The following MCPH1 variants were observed in gnomAD, a reference collection of about 807,000 sequenced individuals.
MCPH1 encodes the protein microcephalin 1.
Under a neutral mutation model 84.5 loss-of-function variants are expected in MCPH1, and 104 were observed. The ratio of observed to expected loss-of-function variants is 1.23; its 90% CI spans 1.05 to 1.45. MCPH1 has a LOEUF of 1.45. MCPH1 is among the 40% of genes most tolerant of loss of function. The probability of loss-of-function intolerance (pLI) is 0.00; values close to 1 mark genes in which losing one functional copy is unlikely to be tolerated. For missense variants in MCPH1, 1,498 were observed against 1,005.7 expected, an observed-to-expected ratio of 1.49 and a Z score of -6.62; for synonymous variants, 514 against 366.8, an observed-to-expected ratio of 1.40 and a Z score of -4.58.
chr8:6,620,043 GCCTTGCATCAGCTCAGT>G (rs1831248238), intron 12 of MCPH1: 1 of 152,144 alleles, frequency 6.6e-6, no homozygotes, highest in African/African-American at 2.4e-5. Context: ...CAAATCTCTT[GCCTTGCATCAGCTCAGT>G]CTCTTTGTCT....
chr8:6,642,862 G>C (rs1474747114), intron 13 of MCPH1, 132 bp from the exon 14 acceptor site: 1 of 783,018 alleles, frequency 1.3e-6, no homozygotes, highest in Non-Finnish European at 2.2e-6. Flanking sequence ...TATGGACGTG[G>C]GGGGGCCTAT....
Position 6,640,802 on chromosome 8 carries a change from T to TA in MCPH1, c.2453-2186dup, listed in dbSNP as rs1263822869. On this transcript the variant is annotated intron_variant, in intron 13 of 13. Transcript: ENST00000344683. ...TCTCATATTCTCCTATTTATAGTTTTAAAAAATATTTAGACCTTTAATGCA... is the reference window on the plus strand; with the variant it reads ...TCTCATATTCTCCTATTTATAGTTTTAAAAAAATATTTAGACCTTTAATGCA... 4.6e-5 allele frequency among the ~76,000 whole-genome samples: 7 copies of TA among 152,250 alleles called. No homozygotes were observed. The South Asian group carries it at 1.4e-3, about 31-fold the overall frequency.
intron 12 of MCPH1, among the ~76,000 whole-genome samples, chr8:6,522,235 G>A (rs111373699): frequency 0.014 from 2,107 of 152,120 alleles, 42 homozygotes; most frequent in African/African-American, 0.049. Context: ...GGCGCCTGTA[G>A]TCACAGCTAC....
At chr8:6,615,278 G>A (rs931558205) in intron 12 of MCPH1, among the ~76,000 whole-genome samples, 1 of 152,100 alleles carries the variant, frequency 6.6e-6, no homozygotes, top group African/African-American at 2.4e-5. Flanking sequence ...CTCCCTCAAT[G>A]CCCCAAGCCT....
chr8:6,481,665 G>A (rs1055544909), intron 11 of MCPH1, among the ~76,000 whole-genome samples: 5 of 152,190 alleles, frequency 3.3e-5, no homozygotes, highest in Non-Finnish European at 7.3e-5. Flanking sequence ...TTTCAAGAAT[G>A]GCCGTCGTCT....
At chr8:6,440,444 A>G (rs997172067) in intron 6 of MCPH1, among the ~76,000 whole-genome samples, 1 of 152,216 alleles carries the variant, frequency 6.6e-6, no homozygotes, top group South Asian at 2.1e-4. Context: ...CGCAGGCAGG[A>G]CATGCACTCC....
intron 2 of MCPH1, 143 bp from the exon 3 acceptor site, chr8:6,414,622 T>G (rs1799001625): frequency 2.6e-6 from 2 of 770,674 alleles, no homozygotes; most frequent in Admixed American, 5.5e-5. Context: ...AGATATGTTT[T>G]AAGCAGCGTT....
At chr8:6,613,364 G>A (rs541168718) in intron 12 of MCPH1, among the ~76,000 whole-genome samples, 30 of 152,312 alleles carry the variant, frequency 2.0e-4, no homozygotes, top group African/African-American at 7.0e-4. Flanking sequence ...CGGCGATGCC[G>A]GTGCAGAGAA....
chr8:6,593,521 A>G (rs1180277443), intron 12 of MCPH1, among the ~76,000 whole-genome samples: 2 of 151,974 alleles, frequency 1.3e-5, no homozygotes, highest in Non-Finnish European at 2.9e-5. Flanking sequence ...CGCCTGGCTA[A>G]TTTTGTATTT....
intron 6 of MCPH1, among the ~76,000 whole-genome samples, chr8:6,439,604 C>T (rs2440419): frequency 0.69 from 104,513 of 151,566 alleles, 39,560 homozygotes; most frequent in Non-Finnish European, 0.83. Context: ...ACCATGTTGG[C>T]CATGCTGGTC....
At chr8:6,409,966 G>C (rs1468801372) in intron 2 of MCPH1, among the ~76,000 whole-genome samples, 1 of 150,120 alleles carries the variant, frequency 6.7e-6, no homozygotes, top group East Asian at 2.0e-4. Flanking sequence ...GGAAGTCAAA[G>C]TAGGGAGTAA....
chr8:6,571,777 T>G (rs3020241), intron 12 of MCPH1, among the ~76,000 whole-genome samples: 3,041 of 152,266 alleles, frequency 0.02, 100 homozygotes, highest in African/African-American at 0.069. Context: ...TGAAAAAATC[T>G]TCCTGTGGGA....
chr8:6,446,825 T>C, intron 8 of MCPH1: 1 of 985,390 alleles, frequency 1.0e-6, no homozygotes, highest in Non-Finnish European at 1.2e-6. Flanking sequence ...ATCCCCGTGT[T>C]GCTGGGAGTG....
At chr8:6,540,505 C>T (rs926375323) in intron 12 of MCPH1, among the ~76,000 whole-genome samples, 9 of 152,194 alleles carry the variant, frequency 5.9e-5, no homozygotes, top group African/African-American at 9.7e-5. Context: ...TGTCTGTGAG[C>T]GTGCAGCCTC....
At chr8:6,508,521 A>G in intron 12 of MCPH1, 1 of 244,410 alleles carries the variant, frequency 4.1e-6, no homozygotes, top group Non-Finnish European at 7.7e-6. Context: ...TTCTTTGAAC[A>G]TTAAATTATT....
chr8:6,542,007 CAAAAAAA>C (rs764731302), intron 12 of MCPH1, among the ~76,000 whole-genome samples: 5 of 57,238 alleles, frequency 8.7e-5, no homozygotes, highest in Non-Finnish European at 1.9e-4. Flanking sequence ...GACTCAATCT[CAAAAAAA>C]AAAAAAAAAA....
intron 13 of MCPH1, among the ~76,000 whole-genome samples, chr8:6,636,053 T>G (rs1403985038): frequency 6.6e-6 from 1 of 152,120 alleles, no homozygotes; most frequent in African/African-American, 2.4e-5. Context: ...AAATTCAGAG[T>G]CACGGGCAGG....
chr8:6,415,905 T>C (rs1428856154), intron 3 of MCPH1, among the ~76,000 whole-genome samples: 1 of 152,164 alleles, frequency 6.6e-6, no homozygotes. Context: ...TAGGGAAGTG[T>C]TCATAATATT....
chr8:6,571,008 A>AG (rs1359632135), intron 12 of MCPH1, among the ~76,000 whole-genome samples: 5 of 151,966 alleles, frequency 3.3e-5, no homozygotes, highest in Non-Finnish European at 7.4e-5. Flanking sequence ...CTATTTTTTA[A>AG]GAAAAAAAAA....
Sources: allele counts gnomAD v4.1 joint callset (sites outside exome capture counted in the v4.1 genomes callset), GRCh38; gene constraint gnomAD v4.1.1; transcripts MANE v1.5; gene names NCBI Gene and HGNC (gene_info 2026-07-23, HGNC 2026-07-21).